Variants in SLC25A40 observed in about 807,000 individuals in gnomAD.
SLC25A40 encodes solute carrier family 25 member 40.
Under a neutral mutation model 46.5 loss-of-function variants are expected in SLC25A40, and 41 were observed. The observed-to-expected ratio is 0.88, with a 90% CI of 0.69 to 1.14. The LOEUF (loss-of-function observed/expected upper bound fraction) is 1.14, where lower values mean the gene tolerates loss of function less well. SLC25A40 is among the 50% of genes most tolerant of loss of function. SLC25A40 has a pLI of 0.00. For missense variants in SLC25A40, 386 were observed against 393.6 expected (o/e 0.98, Z 0.16); for synonymous variants, 126 against 127.5 (o/e 0.99, Z 0.08).
chr7:87,870,649 G>A (rs1338828906), intron 1 of SLC25A40, among the ~76,000 whole-genome samples: 9 of 152,170 alleles, frequency 5.9e-5, no homozygotes, highest in Admixed American at 5.2e-4. Context: ...ACAGGGAAGA[G>A]AAGAAGCAGC....
intron 10 of SLC25A40, among the ~76,000 whole-genome samples, chr7:87,838,209 CAA>C (rs1562740932): frequency 6.6e-6 from 1 of 151,400 alleles, no homozygotes; most frequent in Non-Finnish European, 1.5e-5. Flanking sequence ...AAGTCAATGA[CAA>C]GAACTAAGTT....
intron 1 of SLC25A40, among the ~76,000 whole-genome samples, chr7:87,875,453 G>A (rs932176101): frequency 6.6e-6 from 1 of 151,882 alleles, no homozygotes; most frequent in African/African-American, 2.4e-5. Flanking sequence ...GAGCTACCAG[G>A]TAAAAAAATC....
At chr7:87,841,310 A>T (rs1396621214) in intron 10 of SLC25A40, among the ~76,000 whole-genome samples, 1 of 151,712 alleles carries the variant, frequency 6.6e-6, no homozygotes, top group Non-Finnish European at 1.5e-5. Flanking sequence ...AATAATTTGA[A>T]ATAGATCTGA....
chr7:87,841,539 A>T (rs1448532704), intron 10 of SLC25A40, 94 bp downstream of exon 10: 1 of 669,862 alleles, frequency 1.5e-6, no homozygotes, highest in East Asian at 3.4e-5. Flanking sequence ...GCAGAAGAAA[A>T]AATCTTGTTT....
chr7:87,843,798 G>A lies in SLC25A40; in HGVS notation c.697C>T (p.Pro233Ser), dbSNP rs142118551. 15 of 1,611,128 alleles carry A rather than the reference G, an allele frequency of 9.3e-6. No homozygotes were observed. The African/African-American group carries it at 1.9e-4, about 20-fold the overall frequency. The change falls in exon 9 of 12, where the codon CCA (proline) becomes TCA (serine). Residue 233 changes from proline (P) to serine (S), a missense_variant. Pro to Ser is a moderately conservative substitution (Grantham distance 74). Coordinates refer to ENST00000341119, the MANE Select transcript of SLC25A40 (RefSeq NM_018843.4). ...GAAGTAAAGTTGATCATAAATGTTGGCTCATATAAACCAGATTTCTCACAT... is the reference window on the plus strand; with the variant it reads ...GAAGTAAAGTTGATCATAAATGTTGACTCATATAAACCAGATTTCTCACAT... ...WLCEKSGLYEPTFMINFTSGA... is the reference protein window; with the variant it reads ...WLCEKSGLYESTFMINFTSGA...
chr7:87,853,079 A>C (rs1838544313), intron 5 of SLC25A40, among the ~76,000 whole-genome samples: 1 of 152,234 alleles, frequency 6.6e-6, no homozygotes, highest in African/African-American at 2.4e-5. Context: ...AAATATTTGC[A>C]AACCACACAT....
At chr7:87,853,919 A>G (rs959958688) in intron 5 of SLC25A40, among the ~76,000 whole-genome samples, 2 of 152,220 alleles carry the variant, frequency 1.3e-5, no homozygotes, top group African/African-American at 4.8e-5. Context: ...GTAAGATGGT[A>G]CCACTGGGGG....
At chr7:87,858,506 T>C (rs1337654279) in intron 3 of SLC25A40, 125 bp downstream of exon 3, 4 of 629,380 alleles carry the variant, frequency 6.4e-6, no homozygotes. Context: ...GTACTCTTTA[T>C]TTCTCAGCCA....
At chr7:87,864,561 T>G (rs1315025753) in intron 1 of SLC25A40, among the ~76,000 whole-genome samples, 1 of 152,204 alleles carries the variant, frequency 6.6e-6, no homozygotes, top group Non-Finnish European at 1.5e-5. Context: ...CCTTTATCAT[T>G]TTATAGTGAC....
chr7:87,836,767 G>A lies in SLC25A40; in HGVS notation c.867C>T (p.Asn289=), dbSNP rs1406013363. ...LHMSTWIIMK[N]IVAKNGFSGL... is the part of the protein sequence containing the mutation. ...CGGAAAATCCATTTTTAGCAACAAT[G>A]TTCTTCATTATAATCCAGGTTGACA... The change falls in exon 11 of 12, where the codon AAC becomes AAT. Residue 289 remains asparagine, a synonymous_variant. Transcript: ENST00000341119. 1.3e-6 allele frequency: 2 copies of A among 1,543,372 alleles called. No individual in the cohort carries two copies. The highest frequency in any genetic ancestry group is 1.7e-6 in the Non-Finnish European group (2 of 1,150,306).
chr7:87,866,061 C>T (rs1936731797), intron 1 of SLC25A40, among the ~76,000 whole-genome samples: 1 of 149,134 alleles, frequency 6.7e-6, no homozygotes, highest in Non-Finnish European at 1.5e-5. Context: ...CCAGCCGAGG[C>T]AATAGAACAA....
At chr7:87,866,144 T>G (rs1838795092) in intron 1 of SLC25A40, among the ~76,000 whole-genome samples, 1 of 152,230 alleles carries the variant, frequency 6.6e-6, no homozygotes, top group Non-Finnish European at 1.5e-5. Context: ...TGGCCAGTTT[T>G]GCACCTTCAA....
chr7:87,866,137 C>A (rs1334947639), intron 1 of SLC25A40, among the ~76,000 whole-genome samples: 2 of 152,018 alleles, frequency 1.3e-5, no homozygotes, highest in Non-Finnish European at 1.5e-5. Flanking sequence ...CTTTAACTGG[C>A]CAGTTTTGCA....
At chr7:87,874,877 C>T (rs866833476) in intron 1 of SLC25A40, among the ~76,000 whole-genome samples, 1 of 152,176 alleles carries the variant, frequency 6.6e-6, no homozygotes, top group African/African-American at 2.4e-5. Flanking sequence ...TCATCAACGA[C>T]GCTTATAATC....
Position 87,872,145 on chromosome 7 carries a change from T to G in SLC25A40, c.-94+3951A>C, listed in dbSNP as rs551001121. On this transcript the variant is annotated intron_variant, in intron 1 of 11. Transcript: ENST00000341119. ...ATAGATTCACAGGAATCATAACCTC[T>G]TACTTAATCTTCTTACATAATCTTC... 7.9e-4 allele frequency among the ~76,000 whole-genome samples: 120 copies of G among 152,140 alleles called. 2 individuals are homozygous for G. Among genetic ancestry groups the G allele is most frequent in the African/African-American group, 2.9e-3 (118 of 41,400 alleles).
intron 1 of SLC25A40, among the ~76,000 whole-genome samples, chr7:87,874,612 T>C (rs1350155086): frequency 2.0e-5 from 3 of 152,232 alleles, no homozygotes; most frequent in Non-Finnish European, 4.4e-5. Flanking sequence ...ATGAAGGAAC[T>C]GGTGCAGTGT....
chr7:87,841,410 T>C (rs920195477), intron 10 of SLC25A40, among the ~76,000 whole-genome samples: 2 of 151,772 alleles, frequency 1.3e-5, no homozygotes, highest in African/African-American at 4.8e-5. Flanking sequence ...CAGACTTAAC[T>C]GATGGCATTC....
chr7:87,850,465 T>C (rs1838490553), intron 5 of SLC25A40, among the ~76,000 whole-genome samples: 1 of 152,156 alleles, frequency 6.6e-6, no homozygotes, highest in Non-Finnish European at 1.5e-5. Flanking sequence ...TACATACAAA[T>C]GGCCAATAAG....
At chr7:87,846,260 G>C (rs920566422) in intron 8 of SLC25A40, among the ~76,000 whole-genome samples, 1 of 151,622 alleles carries the variant, frequency 6.6e-6, no homozygotes, top group African/African-American at 2.4e-5. Context: ...CACTGGGGTT[G>C]TGACAGTGAA....
Sources: allele counts gnomAD v4.1 joint callset (sites outside exome capture counted in the v4.1 genomes callset), GRCh38; gene constraint gnomAD v4.1.1; transcripts MANE v1.5; gene names NCBI Gene and HGNC (gene_info 2026-07-23, HGNC 2026-07-21).